The following PCDH10 variants were observed in gnomAD, a reference collection of about 807,000 sequenced individuals.
PCDH10 encodes the protein protocadherin 10.
Under a neutral mutation model 74.4 loss-of-function variants are expected in PCDH10, and 15 were observed. The observed-to-expected ratio is 0.20, with a 90% CI of 0.13 to 0.31. The LOEUF is 0.31. Among genes scored for constraint, PCDH10 ranks in the 10% least tolerant of loss-of-function variants. PCDH10 has a pLI of 1.00. For synonymous variants in PCDH10, 619 were observed against 589.8 expected (o/e 1.05, Z -0.72); for missense variants, 1,260 against 1,390.2 (o/e 0.91, Z 1.49).
intron 3 of PCDH10, among the ~76,000 whole-genome samples, chr4:133,157,483 A>C (rs1462590865): frequency 6.6e-6 from 1 of 152,156 alleles, no homozygotes; most frequent in Non-Finnish European, 1.5e-5. Flanking sequence ...AAAATTAGGT[A>C]ATATTACTCA....
intron 4 of PCDH10, among the ~76,000 whole-genome samples, chr4:133,170,333 C>A (rs1727177696): frequency 6.6e-6 from 1 of 151,980 alleles, no homozygotes; most frequent in Non-Finnish European, 1.5e-5. Context: ...TTGAAATTAA[C>A]TTTGGTAAAG....
intron 3 of PCDH10, among the ~76,000 whole-genome samples, chr4:133,157,919 C>T (rs1726898531): frequency 6.6e-6 from 1 of 152,136 alleles, no homozygotes; most frequent in South Asian, 2.1e-4. Flanking sequence ...CAGAGAATCA[C>T]ATAAGCTTTT....
Position 133,154,375 on chromosome 4 carries a change from CT to C in PCDH10, c.2690+17del. 46 of 1,558,248 alleles carry C rather than the reference CT, an allele frequency of 3.0e-5. No homozygotes were observed. Among genetic ancestry groups the C allele is most frequent in the South Asian group, 1.3e-4 (11 of 85,448 alleles). Reference sequence around the variant, plus strand: ...CTCGCCGAGTTAACAGGTATGGACTCTTTTTTTCCCTAGCAGTAATGGACAA... The same window carrying C: ...CTCGCCGAGTTAACAGGTATGGACTCTTTTTTCCCTAGCAGTAATGGACAA... On this transcript the variant is annotated intron_variant, in intron 2 of 4. Transcript: ENST00000264360.
At chr4:133,153,179 G>A in intron 1 of PCDH10, 1 of 1,104,688 alleles carries the variant, frequency 9.1e-7, no homozygotes, top group South Asian at 3.6e-5. Flanking sequence ...TAATAAAGTT[G>A]GCTCTATTTT....
At chr4:133,203,556 GACA>G (rs1578583733) in intron 2 of PCDH10, among the ~76,000 whole-genome samples, 1 of 152,162 alleles carries the variant, frequency 6.6e-6, no homozygotes. Flanking sequence ...CAGAGAAACA[GACA>G]ACATTTTGGC....
At chr4:133,181,295 T>TA (rs1727410959) in intron 4 of PCDH10, among the ~76,000 whole-genome samples, 1 of 152,078 alleles carries the variant, frequency 6.6e-6, no homozygotes, top group Non-Finnish European at 1.5e-5. Flanking sequence ...TAGTTTTTTT[T>TA]ATCTTTCTGA....
chr4:133,164,666 C>T lies in PCDH10; in HGVS notation c.3103+1384C>T, dbSNP rs897500549. ...ACTAATCTTGGTGAAATTACACTTA[C>T]ACATAGACCTGGAATTTTTAACATT... is the stretch of plus-strand genomic sequence containing the variant. On this transcript the variant is annotated intron_variant, in intron 4 of 4. Coordinates refer to ENST00000264360, the MANE Select transcript of PCDH10 (RefSeq NM_032961.3). Among the ~76,000 whole-genome samples, 20 of 151,606 alleles carry T rather than the reference C, an allele frequency of 1.3e-4. 1 individual carries two copies. The highest frequency in any genetic ancestry group is 8.9e-5 in the Non-Finnish European group (6 of 67,756).
Position 133,191,692 on chromosome 4 carries a change from G to A in PCDH10, c.*1532G>A, listed in dbSNP as rs1403068722. 1 of 151,718 alleles carries A rather than the reference G, an allele frequency of 6.6e-6. No homozygotes were observed. The highest frequency in any genetic ancestry group is 1.9e-4 in the East Asian group (1 of 5,168). 9.4% of individuals were successfully genotyped at this position (151,718 alleles called of 1,614,324 possible). A position where few individuals can be genotyped will look rare whatever the true frequency, so the allele number is the denominator to read the frequency against. On this transcript the variant is annotated 3_prime_UTR_variant, in exon 5 of 5. Transcript: ENST00000264360. ...AATCTTTCAAGCAAAAAACAGAATT[G>A]TCACAGCTCCCCTCGCCCTCTAAAC...
intron 4 of PCDH10, among the ~76,000 whole-genome samples, chr4:133,186,841 C>A (rs1047934587): frequency 6.6e-6 from 1 of 152,048 alleles, no homozygotes; most frequent in Middle Eastern, 3.2e-3. Flanking sequence ...CCTCAGCCTC[C>A]GAGGTAGCTG....
chr4:133,155,808 A>G (rs1726853939), intron 3 of PCDH10, among the ~76,000 whole-genome samples: 1 of 152,182 alleles, frequency 6.6e-6, no homozygotes, highest in Admixed American at 6.5e-5. Flanking sequence ...TCTTATTACT[A>G]ATACTAAAAG....
At chr4:133,166,314 A>G (rs964568050) in intron 4 of PCDH10, among the ~76,000 whole-genome samples, 1 of 151,634 alleles carries the variant, frequency 6.6e-6, no homozygotes, top group Non-Finnish European at 1.5e-5. Flanking sequence ...CAAAAATACC[A>G]TTTCATTTTT....
rs768439091 is a variant in PCDH10 at position 133,152,714 on chromosome 4, C to A, written c.2574C>A (p.Thr858=). ...TEHNPCGAIV[T]GYTDQQPDII... is the part of the protein sequence containing the mutation. Reference sequence around the variant, plus strand: ...ACAACCCCTGCGGGGCCATCGTCACCGGTTACACCGACCAGCAGCCTGATA... The same window carrying A: ...ACAACCCCTGCGGGGCCATCGTCACAGGTTACACCGACCAGCAGCCTGATA... The change falls in exon 1 of 5, where the codon ACC becomes ACA. Residue 858 remains threonine (T), a synonymous_variant. Coordinates refer to ENST00000264360, the MANE Select transcript of PCDH10 (RefSeq NM_032961.3). The A allele has an allele frequency of 6.2e-7, 1 of 1,614,216 alleles. No individual in the cohort carries two copies. The highest frequency in any genetic ancestry group is 8.5e-7 in the Non-Finnish European group (1 of 1,180,046).
In PCDH10 at chr4:133,152,029, G is replaced by A. The variant is rs1338502775; in HGVS notation, c.1889G>A (p.Arg630His). The change falls in exon 1 of 5, where the codon CGC (arginine) becomes CAC (histidine). Residue 630 changes from arginine to histidine, a missense_variant. By Grantham distance (29) the Arg-to-His change is conservative. This residue lies in a region of PCDH10 where 587 missense variants were observed against 616.9 expected (regional missense o/e 0.95). Transcript: ENST00000264360. ...CGTGGCAACGAAATGAACCTCTTTC[G>A]CATGGACTGGCGCACCGGGGAGCTG... ...IVRGNEMNLF[R>H]MDWRTGELRT... 1.2e-6 allele frequency: 2 copies of A among 1,612,206 alleles called. No individual in the cohort carries two copies. Among genetic ancestry groups the A allele is most frequent in the Non-Finnish European group, 1.7e-6 (2 of 1,179,616 alleles).
In PCDH10 at chr4:133,193,382, T is replaced by A. The variant is rs2125875063; in HGVS notation, c.*3222T>A. The A allele has an allele frequency of 6.6e-6, 1 of 151,832 alleles. No homozygotes were observed. Among genetic ancestry groups the A allele is most frequent in the African/African-American group, 2.4e-5 (1 of 41,554 alleles). 9.4% of individuals were successfully genotyped at this position (151,832 alleles called of 1,614,324 possible). A position where few individuals can be genotyped will look rare whatever the true frequency, so the allele number is the denominator to read the frequency against. On this transcript the variant is annotated 3_prime_UTR_variant, in exon 5 of 5. Coordinates refer to ENST00000264360, the MANE Select transcript of PCDH10 (RefSeq NM_032961.3). ...TTGCAAATTAAGAACTATAGTAGAATATTTAAATATTTTAATTTCTCATTG... is the reference window on the plus strand; with the variant it reads ...TTGCAAATTAAGAACTATAGTAGAAAATTTAAATATTTTAATTTCTCATTG...
chr4:133,187,526 C>T (rs905765536), intron 4 of PCDH10, among the ~76,000 whole-genome samples: 29 of 151,906 alleles, frequency 1.9e-4, no homozygotes, highest in African/African-American at 4.8e-4. Context: ...TAATTCTGAC[C>T]TTCGGAACTT....
At chr4:133,185,189 T>C (rs1727518800) in intron 4 of PCDH10, among the ~76,000 whole-genome samples, 1 of 148,430 alleles carries the variant, frequency 6.7e-6, no homozygotes, top group Admixed American at 6.8e-5. Context: ...AATATATAAA[T>C]ATATATATTT....
rs755108245 is a variant in PCDH10, at chr4:133,163,255, C to G, written c.3076C>G (p.Arg1026Gly). Reference sequence around the variant, plus strand: ...GCTGGATGGACTGCTGACTAATACGCGAGCGCCTTACAAACCACCATATTT... The same window carrying G: ...GCTGGATGGACTGCTGACTAATACGGGAGCGCCTTACAAACCACCATATTT... ...KELDGLLTNT[R>G]APYKPPYLTR... Residue 1026 changes from arginine (R) to glycine (G), a missense_variant, in exon 4 of 5, where the codon CGA becomes GGA. Physicochemically the swap from Arg to Gly is moderately radical, Grantham distance 125. Coordinates refer to ENST00000264360, the MANE Select transcript of PCDH10 (RefSeq NM_032961.3). 2.5e-6 allele frequency: 4 copies of G among 1,613,052 alleles called. No individual in the cohort carries two copies. Among genetic ancestry groups the G allele is most frequent in the Non-Finnish European group, 2.5e-6 (3 of 1,179,506 alleles).
At position 133,151,602 on chromosome 4, in the gene PCDH10, A is replaced by G. The variant is rs1578556568; in HGVS notation, c.1462A>G (p.Thr488Ala). 1 of 1,613,740 alleles carries G rather than the reference A, an allele frequency of 6.2e-7. No individual in the cohort carries two copies. The highest frequency in any genetic ancestry group is 8.5e-7 in the Non-Finnish European group (1 of 1,180,012). ...PGAYIYAVSA[T>A]DRDEGANAQL... Reference sequence around the variant, plus strand: ...CGCCTACATCTACGCGGTGAGCGCCACCGACCGGGATGAGGGCGCCAACGC... The same window carrying G: ...CGCCTACATCTACGCGGTGAGCGCCGCCGACCGGGATGAGGGCGCCAACGC... Residue 488 changes from threonine to alanine, a missense_variant, in exon 1 of 5, where the codon ACC becomes GCC. Physicochemically the swap from Thr to Ala is moderately conservative, Grantham distance 58. This residue lies in a region of PCDH10 where 587 missense variants were observed against 616.9 expected (regional missense o/e 0.95). Coordinates refer to ENST00000264360, the MANE Select transcript of PCDH10 (RefSeq NM_032961.3).
At chr4:133,189,770 G>T (rs1186366889) in intron 4 of PCDH10, among the ~76,000 whole-genome samples, 1 of 151,868 alleles carries the variant, frequency 6.6e-6, no homozygotes, top group Non-Finnish European at 1.5e-5. Flanking sequence ...TATAGATTTT[G>T]CTAGAAACTT....
Sources: gnomAD v4.1 joint callset for allele counts (sites outside exome capture counted in the v4.1 genomes callset) on GRCh38, gnomAD v4.1.1 for gene constraint, gnomAD v4.1.1 regional missense constraint, MANE v1.5 for transcripts, NCBI Gene and HGNC (gene_info 2026-07-23, HGNC 2026-07-21) for gene names.